SCD: variants seen among roughly 807,000 people sequenced by gnomAD.
The protein encoded by SCD is acyl-CoA desaturase.
In SCD, 4 loss-of-function variants were observed where a neutral mutation model predicts 35.7. That is an observed-to-expected ratio of 0.11 (90% CI 0.06 to 0.26). The LOEUF is 0.26. Among genes scored for constraint, SCD ranks in the 10% least tolerant of loss-of-function variants. SCD has a pLI of 1.00. For synonymous variants in SCD, 150 were observed against 170.2 expected (o/e 0.88, Z 0.92); for missense variants, 282 against 460.7 (o/e 0.61, Z 3.55).
Position 100,364,324 on chromosome 10 carries a change from C to A in SCD, c.*3391C>A, listed in dbSNP as rs199637049. ...ACTGTGCCACTGACTTGCTGTGTGA[C>A]CCTGGGCAAGTCACTTAACTATAAG... On this transcript the variant is annotated 3_prime_UTR_variant, in exon 6 of 6. Transcript: ENST00000370355. 6.6e-6 allele frequency: 1 copy of A among 152,460 alleles called. No individual in the cohort carries two copies. Among genetic ancestry groups the A allele is most frequent in the Non-Finnish European group, 1.5e-5 (1 of 68,020 alleles). 9.4% of individuals were successfully genotyped at this position (152,460 alleles called of 1,614,324 possible).
At chr10:100,354,209 C>T (rs1849902261) in intron 3 of SCD, among the ~76,000 whole-genome samples, 1 of 152,248 alleles carries the variant, frequency 6.6e-6, no homozygotes, top group African/African-American at 2.4e-5. Context: ...AGTTCTATTG[C>T]TATGGTCCTG....
intron 3 of SCD, among the ~76,000 whole-genome samples, chr10:100,354,197 G>A (rs1448837409): frequency 6.6e-6 from 1 of 152,228 alleles, no homozygotes; most frequent in Admixed American, 6.5e-5. Flanking sequence ...TCAAGAAACA[G>A]CAGTTCTATT....
chr10:100,357,556 G>C (rs1849941032), intron 5 of SCD, among the ~76,000 whole-genome samples: 2 of 152,056 alleles, frequency 1.3e-5, no homozygotes. Context: ...CATGCCTTCA[G>C]GAATCTCCCA....
intron 2 of SCD, among the ~76,000 whole-genome samples, chr10:100,349,554 G>A (rs1013741103): frequency 6.6e-6 from 1 of 152,194 alleles, no homozygotes; most frequent in Non-Finnish European, 1.5e-5. Flanking sequence ...TTGAGCTTTT[G>A]TTTCCAGAAA....
rs1849992344 is a variant in SCD at position 100,361,755 on chromosome 10, T to C, written c.*822T>C. On this transcript the variant is annotated 3_prime_UTR_variant, in exon 6 of 6. Transcript: ENST00000370355. ...CTGGGGAAGGGTTTTCTTTTCTTTT[T>C]TTCTTTAATAACAAGGAGATTTCTT... 1 of 152,234 alleles carries C rather than the reference T, an allele frequency of 6.6e-6. No individual in the cohort carries two copies. The highest frequency in any genetic ancestry group is 1.5e-5 in the Non-Finnish European group (1 of 68,044). 9.4% of individuals were successfully genotyped at this position (152,234 alleles called of 1,614,324 possible). A position where few individuals can be genotyped will look rare whatever the true frequency, so the allele number is the denominator to read the frequency against.
Position 100,356,409 on chromosome 10 carries a change from T to G in SCD, c.648-123T>G. On this transcript the variant is annotated intron_variant, in intron 4 of 5. Coordinates refer to ENST00000370355, the MANE Select transcript of SCD (RefSeq NM_005063.5). This position sits in a 1 kb window ranked among gnomAD's most constrained non-coding sequence, Gnocchi z 4.1. ...AACAAAAATAAATAAAACAATGAACTTAGAGTCAGACAAGCAATTCAACAT... is the reference window on the plus strand; with the variant it reads ...AACAAAAATAAATAAAACAATGAACGTAGAGTCAGACAAGCAATTCAACAT... 1.4e-6 allele frequency: 1 copy of G among 734,688 alleles called. No homozygotes were observed. The highest frequency in any genetic ancestry group is 2.4e-6 in the Non-Finnish European group (1 of 424,138). 45.5% of individuals were successfully genotyped at this position (734,688 alleles called of 1,614,324 possible). A position where few individuals can be genotyped will look rare whatever the true frequency, so the allele number is the denominator to read the frequency against.
chr10:100,354,513 C>T lies in SCD; in HGVS notation c.528C>T (p.Gly176=), dbSNP rs1849906946. 3 of 1,614,092 alleles carry T rather than the reference C, an allele frequency of 1.9e-6. No homozygotes were observed. Among genetic ancestry groups the T allele is most frequent in the Non-Finnish European group, 2.5e-6 (3 of 1,179,962 alleles). ...THADPHNSRR[G]FFFSHVGWLL... is the part of the protein sequence containing the mutation. ...CTGATCCTCATAATTCCCGACGTGG[C>T]TTTTTCTTCTCTCACGTGGGTTGGC... The change falls in exon 4 of 6, where the codon GGC becomes GGT. Residue 176 remains glycine, a synonymous_variant. Coordinates refer to ENST00000370355, the MANE Select transcript of SCD (RefSeq NM_005063.5).
Position 100,364,267 on chromosome 10 carries a change from T to C in SCD, c.*3334T>C, listed in dbSNP as rs1416457720. ...TTAAAAAAGCGAGGTGGCCATGTTA[T>C]GCTGGTGGTTAAGGCCAGGGCCTCT... On this transcript the variant is annotated 3_prime_UTR_variant, in exon 6 of 6. Transcript: ENST00000370355. 1 of 152,430 alleles carries C rather than the reference T, an allele frequency of 6.6e-6. No individual in the cohort carries two copies. The highest frequency in any genetic ancestry group is 2.4e-5 in the African/African-American group (1 of 41,448). The allele number at this position is 152,430 out of a possible 1,614,324, so 9.4% of individuals were successfully genotyped here.
intron 1 of SCD, 57 bp downstream of exon 1, chr10:100,347,588 A>AG: frequency 1.2e-6 from 2 of 1,606,838 alleles, no homozygotes. Flanking sequence ...CTGGGCTTCC[A>AG]GGGGACGGGT....
rs3750714 is a variant in SCD at position 100,359,702 on chromosome 10, T to G, written c.881-1032T>G. Among the ~76,000 whole-genome samples the G allele has an allele frequency of 2.4e-3, 371 of 152,344 alleles. 6 individuals carry two copies. The highest frequency in any genetic ancestry group is 0.021 in the Middle Eastern group (6 of 292). On this transcript the variant is annotated intron_variant, in intron 5 of 5. Transcript: ENST00000370355. ...CTTGCCTTGCTTCTGATTAATGTCA[T>G]GACTGGTCTGTCTGAGGGTACTGTT... is the stretch of plus-strand genomic sequence containing the variant.
chr10:100,355,706 G>A (rs1702147551), intron 4 of SCD, among the ~76,000 whole-genome samples: 2 of 152,172 alleles, frequency 1.3e-5, no homozygotes, highest in Admixed American at 1.3e-4. Context: ...AGAGTTGGGT[G>A]CAGGGAATGT....
chr10:100,349,504 G>T (rs1313674543), intron 2 of SCD, among the ~76,000 whole-genome samples: 1 of 152,188 alleles, frequency 6.6e-6, no homozygotes, highest in Admixed American at 6.5e-5. Flanking sequence ...GTTTCCCTCA[G>T]GACCTCTTAG....
In SCD at chr10:100,347,334, C is replaced by G. The variant is rs1589696768; in HGVS notation, c.-171C>G. The G allele has an allele frequency of 1.4e-6, 1 of 729,002 alleles. No individual in the cohort carries two copies. The highest frequency in any genetic ancestry group is 2.7e-5 in the East Asian group (1 of 37,020). 45.2% of individuals were successfully genotyped at this position (729,002 alleles called of 1,614,324 possible). A position where few individuals can be genotyped will look rare whatever the true frequency, so the allele number is the denominator to read the frequency against. ...TTGCCAGCTCTAGCCTTTAAATTCC[C>G]GGCTCGGGGACCTCCACGCACCGCG... is the stretch of plus-strand genomic sequence containing the variant. On this transcript the variant is annotated 5_prime_UTR_variant, in exon 1 of 6. Coordinates refer to ENST00000370355, the MANE Select transcript of SCD (RefSeq NM_005063.5).
At chr10:100,350,969 G>T (rs979761616) in intron 2 of SCD, among the ~76,000 whole-genome samples, 4 of 152,184 alleles carry the variant, frequency 2.6e-5, no homozygotes, top group African/African-American at 9.7e-5. Flanking sequence ...TAGAAGAGAA[G>T]AAAGGAGGTA....
Position 100,348,177 on chromosome 10 carries a change from C to G in SCD, c.141C>G (p.Arg47=). 1 of 1,613,946 alleles carries G rather than the reference C, an allele frequency of 6.2e-7. No homozygotes were observed. Among genetic ancestry groups the G allele is most frequent in the South Asian group, 1.1e-5 (1 of 91,066 alleles). ...CCCTCTACTTGGAAGACGACATTCG[C>G]CCTGATATAAAAGATGATATATATG... ...TMPLYLEDDI[R]PDIKDDIYDP... The change falls in exon 2 of 6, where the codon CGC becomes CGG. Residue 47 remains arginine, a synonymous_variant. Transcript: ENST00000370355.
chr10:100,353,814 A>G (rs997576443), intron 3 of SCD, among the ~76,000 whole-genome samples: 1 of 152,222 alleles, frequency 6.6e-6, no homozygotes, highest in African/African-American at 2.4e-5. Flanking sequence ...AAGGCTTCCA[A>G]AGTTGTCCTG....
chr10:100,364,114 T>TA lies in SCD; in HGVS notation c.*3183dup, dbSNP rs1418219683. 1.1e-4 allele frequency: 16 copies of TA among 147,258 alleles called. No individual in the cohort carries two copies. The highest frequency in any genetic ancestry group is 4.4e-5 in the Non-Finnish European group (3 of 67,578). 9.1% of individuals were successfully genotyped at this position (147,258 alleles called of 1,614,324 possible). ...AAATAATTTGAATGTATTTGATTTA[T>TA]AAGTTTTTTTTTTTTTTTTGGGTTA... On this transcript the variant is annotated 3_prime_UTR_variant, in exon 6 of 6. Coordinates refer to ENST00000370355, the MANE Select transcript of SCD (RefSeq NM_005063.5).
rs200421599 is a variant in SCD at position 100,361,971 on chromosome 10, A to G, written c.*1038A>G. 1.3e-5 allele frequency: 2 copies of G among 152,216 alleles called. No individual in the cohort carries two copies. Among genetic ancestry groups the G allele is most frequent in the Non-Finnish European group, 2.9e-5 (2 of 68,040 alleles). The allele number at this position is 152,216 out of a possible 1,614,324, so 9.4% of individuals were successfully genotyped here. ...GTGGCATTTCCAAACATCCAAAAAA[A>G]GGGAAGGATTTAAGGAGGTGAAGTC... On this transcript the variant is annotated 3_prime_UTR_variant, in exon 6 of 6. Transcript: ENST00000370355.
At chr10:100,353,664 T>C (rs1399851100) in intron 3 of SCD, among the ~76,000 whole-genome samples, 1 of 151,918 alleles carries the variant, frequency 6.6e-6, no homozygotes, top group Admixed American at 6.6e-5. Flanking sequence ...CATTAAGCTG[T>C]AGCAATGGGC....
Sources: gnomAD v4.1 joint callset for allele counts (sites outside exome capture counted in the v4.1 genomes callset) on GRCh38, gnomAD v4.1.1 for gene constraint, Gnocchi (gnomAD v3.1) non-coding constraint, MANE v1.5 for transcripts, NCBI Gene and HGNC (gene_info 2026-07-23, HGNC 2026-07-21) for gene names.